The following OR7E24 variants were observed in gnomAD, a reference collection of about 807,000 sequenced individuals.
The protein encoded by OR7E24 is olfactory receptor 7E24.
For missense variants in OR7E24, 385 were observed against 410.3 expected, an observed-to-expected ratio of 0.94 and a Z score of 0.53; for synonymous variants, 130 against 157.5, an observed-to-expected ratio of 0.83 and a Z score of 1.31.
the OR7E24 span, chr19:9,213,929 T>A: frequency 6.2e-7 from 1 of 1,613,300 alleles, no homozygotes; most frequent in South Asian, 1.1e-5. Context: ...TGCTGAGGAG[T>A]CTTTCCAGGG....
chr19:9,229,368 A>T, the OR7E24 span, among the ~76,000 whole-genome samples: 14 of 148,608 alleles, frequency 9.4e-5, no homozygotes, highest in African/African-American at 3.4e-4. Flanking sequence ...CATCTCTACT[A>T]AAAAAAAACT....
chr19:9,242,165 G>A, the OR7E24 span, among the ~76,000 whole-genome samples: 1 of 152,162 alleles, frequency 6.6e-6, no homozygotes, highest in African/African-American at 2.4e-5. Flanking sequence ...AATAGTCAAG[G>A]CAACGTGTTT....
the OR7E24 span, among the ~76,000 whole-genome samples, chr19:9,215,895 C>T: frequency 6.6e-5 from 10 of 152,172 alleles, no homozygotes; most frequent in African/African-American, 2.2e-4. Flanking sequence ...TAAAGACATA[C>T]CTGAGACTGG....
chr19:9,243,344 ATTT>A (rs58510880), upstream of OR7E24, among the ~76,000 whole-genome samples: 27 of 138,964 alleles, frequency 1.9e-4, no homozygotes, highest in African/African-American at 4.2e-4. Context: ...TTGCTCTGGC[ATTT>A]TTTTTTTTTT....
chr19:9,214,051 C>T, the OR7E24 span: 1 of 1,614,092 alleles, frequency 6.2e-7, no homozygotes, highest in East Asian at 2.2e-5. Flanking sequence ...TGGGTCACAG[C>T]AGAACTCAGA....
chr19:9,239,921 C>A, the OR7E24 span, among the ~76,000 whole-genome samples: 1 of 151,854 alleles, frequency 6.6e-6, no homozygotes, highest in Non-Finnish European at 1.5e-5. Flanking sequence ...ATTGGTCAGG[C>A]TGGTCTCGAA....
Position 9,252,355 on chromosome 19 carries a change from C to A in OR7E24, c.*292C>A. ...ACTTGAAATCCTCACTTAACTTTGT[C>A]AAGAGGTTTTTGGAAACTGCAACTT... is the stretch of plus-strand genomic sequence containing the variant. On this transcript the variant is annotated 3_prime_UTR_variant, in exon 1 of 1. Transcript: ENST00000456448. The A allele has an allele frequency of 5.0e-6, 1 of 200,026 alleles. No homozygotes were observed. The highest frequency in any genetic ancestry group is 1.0e-5 in the Non-Finnish European group (1 of 99,418). The allele number at this position is 200,026 out of a possible 1,614,324, so 12.4% of individuals were successfully genotyped here.
the OR7E24 span, among the ~76,000 whole-genome samples, chr19:9,239,923 G>A: frequency 6.6e-6 from 1 of 151,840 alleles, no homozygotes; most frequent in Non-Finnish European, 1.5e-5. Context: ...TGGTCAGGCT[G>A]GTCTCGAACT....
chr19:9,232,186 G>C, the OR7E24 span, among the ~76,000 whole-genome samples: 1 of 152,066 alleles, frequency 6.6e-6, no homozygotes, highest in Non-Finnish European at 1.5e-5. Context: ...CTACCTGGGG[G>C]CCAGGCGTGT....
chr19:9,220,055 A>C, the OR7E24 span, among the ~76,000 whole-genome samples: 3 of 151,866 alleles, frequency 2.0e-5, no homozygotes, highest in Non-Finnish European at 2.9e-5. Context: ...AATTATTTTT[A>C]TATATTTTTT....
chr19:9,228,945 G>A, the OR7E24 span, among the ~76,000 whole-genome samples: 10 of 152,214 alleles, frequency 6.6e-5, no homozygotes, highest in Non-Finnish European at 1.2e-4. Flanking sequence ...ATTAAAGCCA[G>A]TTGAAACTTT....
rs1275136386 is a variant in OR7E24, at chr19:9,251,935, G to C, written c.892G>C (p.Val298Leu). 3 of 1,614,144 alleles carry C rather than the reference G, an allele frequency of 1.9e-6. No homozygotes were observed. The highest frequency in any genetic ancestry group is 1.1e-5 in the South Asian group (1 of 91,076). The change falls in exon 1 of 1, where the codon GTG (valine) becomes CTG (leucine). Residue 298 changes from valine to leucine, a missense_variant. Coordinates refer to ENST00000456448, the MANE Select transcript of OR7E24 (RefSeq NM_001079935.2). The stretch of plus-strand genomic sequence containing the variant: ...TATGGTGGCTTCAGTGATGTACACT[G>C]TGGTCACCCCCATGCTGAACCCCTT... ...KSMVASVMYT[V>L]VTPMLNPFIY...
At chr19:9,233,530 C>T in the OR7E24 span, among the ~76,000 whole-genome samples, 1 of 152,126 alleles carries the variant, frequency 6.6e-6, no homozygotes, top group African/African-American at 2.4e-5. Flanking sequence ...AGTCCACATG[C>T]TTTTTTCTCT....
At chr19:9,235,775 T>C in the OR7E24 span, 1 of 1,609,544 alleles carries the variant, frequency 6.2e-7, no homozygotes, top group South Asian at 1.1e-5. Context: ...GTGTTTCCTG[T>C]AGCTGGGATC....
chr19:9,233,780 A>C, the OR7E24 span, among the ~76,000 whole-genome samples: 1 of 152,188 alleles, frequency 6.6e-6, no homozygotes, highest in Non-Finnish European at 1.5e-5. Flanking sequence ...ATGCCACAGA[A>C]ACCAGAGCAG....
chr19:9,231,819 CAG>C, the OR7E24 span, among the ~76,000 whole-genome samples: 1 of 152,040 alleles, frequency 6.6e-6, no homozygotes, highest in East Asian at 1.9e-4. Context: ...TTAAAATAAA[CAG>C]AAACGTATTT....
chr19:9,250,000 A>ATGTTC (rs1435924573), upstream of OR7E24, among the ~76,000 whole-genome samples: 1 of 152,110 alleles, frequency 6.6e-6, no homozygotes, highest in Non-Finnish European at 1.5e-5. Context: ...CATTATATTA[A>ATGTTC]TGTTCTGTCA....
At chr19:9,210,855 G>A in the OR7E24 span, 1 of 152,272 alleles carries the variant, frequency 6.6e-6, no homozygotes, top group African/African-American at 2.4e-5. Flanking sequence ...GTTGGGCTGA[G>A]AGCTTGTGGC....
At chr19:9,220,078 TTA>T in the OR7E24 span, among the ~76,000 whole-genome samples, 2 of 152,020 alleles carry the variant, frequency 1.3e-5, no homozygotes, top group African/African-American at 4.8e-5. Context: ...AATTATAGAA[TTA>T]TATGTATGTA....
Sources: gnomAD v4.1 joint callset for allele counts (sites outside exome capture counted in the v4.1 genomes callset) on GRCh38, gnomAD v4.1.1 for gene constraint, MANE v1.5 for transcripts, NCBI Gene and HGNC (gene_info 2026-07-23, HGNC 2026-07-21) for gene names.